CNOT1: variants seen among roughly 807,000 people sequenced by gnomAD.
CNOT1 encodes the protein CCR4-NOT transcription complex subunit 1.
In CNOT1, 15 loss-of-function variants were observed where a neutral mutation model predicts 273.8. That is an observed-to-expected ratio of 0.05 (90% CI 0.04 to 0.08). The LOEUF (loss-of-function observed/expected upper bound fraction) is 0.08, where lower values mean the gene tolerates loss of function less well. CNOT1 is among the 10% of genes least tolerant of loss of function. CNOT1 has a pLI of 1.00. For synonymous variants in CNOT1, 1,022 were observed against 1,005.5 expected, an observed-to-expected ratio of 1.02 and a Z score of -0.31; for missense variants, 1,644 against 2,912.2, an observed-to-expected ratio of 0.56 and a Z score of 10.02.
rs927865538 is a variant in CNOT1 at position 58,537,776 on chromosome 16, A to G, written c.5414+115T>C. ...TAGCCCTTACCAAAGCTACCCACCC[A>G]TATGTGGTTGGTAAAGCAGTTATAA... On this transcript the variant is annotated intron_variant, in intron 38 of 48. Coordinates refer to ENST00000317147, the MANE Select transcript of CNOT1 (RefSeq NM_016284.5). The G allele has an allele frequency of 5.8e-6, 8 of 1,369,330 alleles. No individual in the cohort carries two copies. The African/African-American group carries it at 1.2e-4, about 20-fold the overall frequency. 84.8% of individuals were successfully genotyped at this position (1,369,330 alleles called of 1,614,324 possible). A position where few individuals can be genotyped will look rare whatever the true frequency, so the allele number is the denominator to read the frequency against.
chr16:58,526,511 T>TAATA (rs1555493315), intron 44 of CNOT1, among the ~76,000 whole-genome samples: 1 of 80,814 alleles, frequency 1.2e-5, no homozygotes, highest in Non-Finnish European at 2.3e-5. Context: ...ACTTACTCCT[T>TAATA]AAAAAAAAAA....
At position 58,532,095 on chromosome 16, in the gene CNOT1, A is replaced by T; in HGVS notation, c.6060-20T>A. 6.2e-7 allele frequency: 1 copy of T among 1,613,810 alleles called. No homozygotes were observed. ...GTATTGCTGAAAGAAGAAAAACCTT[A>T]GTCAGAAGCACAGTCCAACTTAAAT... is the stretch of plus-strand genomic sequence containing the variant. On this transcript the variant is annotated intron_variant, in intron 41 of 48. Transcript: ENST00000317147.
chr16:58,616,103 TAACTC>T (rs1420796681), intron 1 of CNOT1, among the ~76,000 whole-genome samples: 1 of 124,224 alleles, frequency 8.0e-6, no homozygotes, highest in African/African-American at 2.7e-5. Context: ...GAAATTGCAA[TAACTC>T]TTTTTGTTAG....
intron 29 of CNOT1, among the ~76,000 whole-genome samples, chr16:58,545,747 T>C (rs891957471): frequency 6.6e-6 from 1 of 152,194 alleles, no homozygotes; most frequent in Non-Finnish European, 1.5e-5. Flanking sequence ...AGCCATGCCA[T>C]ATTGTCAGGC....
In CNOT1 at chr16:58,528,565, G is replaced by A. The variant is rs1283779722; in HGVS notation, c.6363C>T (p.Ile2121=). 5 of 1,612,522 alleles carry A rather than the reference G, an allele frequency of 3.1e-6. No homozygotes were observed. Among genetic ancestry groups the A allele is most frequent in the African/African-American group, 1.3e-5 (1 of 74,862 alleles). The stretch of plus-strand genomic sequence containing the variant: ...TTCTTAACTGGATACAATTAGGTGG[G>A]ATCACATCACAGAACCCATAATGGT... ...CDYHYGFCDV[I]PPNCIQLRNL... Residue 2121 remains isoleucine (I), a synonymous_variant, in exon 44 of 49, where the codon ATC becomes ATT. Coordinates refer to ENST00000317147, the MANE Select transcript of CNOT1 (RefSeq NM_016284.5).
rs1286547393 is a variant in CNOT1, at chr16:58,526,262, G to C, written c.6454-124C>G. ...CACTATAAATGCCTTGAAGAGCACA[G>C]CTGCCACATTTTATTAATCAGTCTT... On this transcript the variant is annotated intron_variant, in intron 44 of 48. Transcript: ENST00000317147. 1.7e-5 allele frequency: 15 copies of C among 864,706 alleles called. No homozygotes were observed. In the East Asian group the frequency reaches 3.9e-4, roughly 23 times the overall value. The allele number at this position is 864,706 out of a possible 1,614,324, so 53.6% of individuals were successfully genotyped here.
chr16:58,537,362 C>A (rs750203053), intron 38 of CNOT1, 142 bp from the exon 39 acceptor site: 126 of 1,267,702 alleles, frequency 9.9e-5, no homozygotes, highest in Non-Finnish European at 1.2e-4. Flanking sequence ...TGAAACAAAA[C>A]TATACTTAGT....
chr16:58,625,522 T>A (rs781053169), intron 1 of CNOT1, among the ~76,000 whole-genome samples: 1 of 146,698 alleles, frequency 6.8e-6, no homozygotes, highest in African/African-American at 2.5e-5. Flanking sequence ...TAAAAAAACA[T>A]ATATATATAA....
At chr16:58,592,324 T>A (rs2042091113) in intron 2 of CNOT1, among the ~76,000 whole-genome samples, 1 of 152,258 alleles carries the variant, frequency 6.6e-6, no homozygotes, top group African/African-American at 2.4e-5. Flanking sequence ...TGTCTTTAAT[T>A]ACTGCAAAAC....
At chr16:58,574,541 T>C in intron 16 of CNOT1, 68 bp downstream of exon 16, 1 of 1,447,534 alleles carries the variant, frequency 6.9e-7, no homozygotes, top group Non-Finnish European at 9.2e-7. Context: ...AACCTCTTCT[T>C]CCGCAAGTCT....
At chr16:58,597,531 C>G (rs2042307412) in intron 2 of CNOT1, 2 of 261,680 alleles carry the variant, frequency 7.6e-6, no homozygotes, top group Non-Finnish European at 1.5e-5. Context: ...CCACCCTCCT[C>G]AACACAAAAA....
intron 1 of CNOT1, among the ~76,000 whole-genome samples, chr16:58,616,807 A>G (rs773928106): frequency 1.3e-5 from 2 of 152,190 alleles, no homozygotes; most frequent in Non-Finnish European, 2.9e-5. Context: ...AATCAGTGAA[A>G]TATGTTATTT....
chr16:58,543,074 CA>C (rs2040142618), intron 31 of CNOT1: 2 of 1,202,170 alleles, frequency 1.7e-6, no homozygotes, highest in African/African-American at 3.1e-5. Flanking sequence ...GCCTAAGCTA[CA>C]GAGTGAGACC....
intron 44 of CNOT1, among the ~76,000 whole-genome samples, chr16:58,527,480 T>C (rs992153108): frequency 9.2e-5 from 14 of 151,846 alleles, no homozygotes; most frequent in Non-Finnish European, 1.9e-4. Context: ...TGAGCTGAGA[T>C]TGCGCCACTG....
intron 1 of CNOT1, among the ~76,000 whole-genome samples, chr16:58,600,942 A>G (rs1036168878): frequency 1.1e-4 from 17 of 152,146 alleles, no homozygotes; most frequent in African/African-American, 3.9e-4. Flanking sequence ...TCCCATCTCT[A>G]TTCTGTTGTT....
intron 22 of CNOT1, among the ~76,000 whole-genome samples, chr16:58,553,252 G>A (rs2040513615): frequency 6.6e-6 from 1 of 151,576 alleles, no homozygotes; most frequent in Admixed American, 6.6e-5. Context: ...GGGCAACAGA[G>A]CAAGATTTCA....
At chr16:58,625,268 T>C (rs1196940812) in intron 1 of CNOT1, among the ~76,000 whole-genome samples, 1 of 151,914 alleles carries the variant, frequency 6.6e-6, no homozygotes, top group Admixed American at 6.6e-5. Context: ...ATCACAGCAC[T>C]TTGGGAGGCC....
chr16:58,551,951 C>G, intron 22 of CNOT1, 132 bp from the exon 23 acceptor site: 1 of 1,165,254 alleles, frequency 8.6e-7, no homozygotes, highest in Non-Finnish European at 1.2e-6. Flanking sequence ...ACTCTTTGCC[C>G]CATACCCTGG....
chr16:58,577,640 A>G (rs2041504581), intron 13 of CNOT1, among the ~76,000 whole-genome samples: 1 of 152,166 alleles, frequency 6.6e-6, no homozygotes, highest in African/African-American at 2.4e-5. Context: ...AATGTAGGAT[A>G]TTAGCTTGGG....
Sources: gnomAD v4.1 joint callset for allele counts (sites outside exome capture counted in the v4.1 genomes callset) on GRCh38, gnomAD v4.1.1 for gene constraint, MANE v1.5 for transcripts, NCBI Gene and HGNC (gene_info 2026-07-23, HGNC 2026-07-21) for gene names.